Variants in SORBS2 observed in about 807,000 individuals in gnomAD.
SORBS2 encodes the protein sorbin and SH3 domain-containing protein 2.
Under a neutral mutation model 97.7 loss-of-function variants are expected in SORBS2, and 46 were observed. The observed-to-expected ratio is 0.47, with a 90% CI of 0.37 to 0.60. The LOEUF (loss-of-function observed/expected upper bound fraction) is 0.60. Ranked by LOEUF, SORBS2 falls within the 20% of genes least tolerant of loss-of-function variation. The probability of loss-of-function intolerance (pLI) is 0.00; values close to 1 mark genes in which losing one functional copy is unlikely to be tolerated. For synonymous variants in SORBS2, 476 were observed against 473.4 expected (o/e 1.01, Z -0.07); for missense variants, 1,316 against 1,282.3 (o/e 1.03, Z -0.40).
At chr4:185,904,516 T>G (rs2099249591) in intron 1 of SORBS2, among the ~76,000 whole-genome samples, 1 of 152,164 alleles carries the variant, frequency 6.6e-6, no homozygotes, top group African/African-American at 2.4e-5. Context: ...TTGGCCTGTA[T>G]GTAATATCTC....
intron 1 of SORBS2, among the ~76,000 whole-genome samples, chr4:185,929,865 CGT>C (rs1200317027): frequency 1.3e-5 from 2 of 152,018 alleles, no homozygotes; most frequent in Non-Finnish European, 2.9e-5. Context: ...TGATTTTGGG[CGT>C]GTGTGACACT....
intron 1 of SORBS2, among the ~76,000 whole-genome samples, chr4:185,841,744 G>A (rs1348583322): frequency 7.2e-5 from 11 of 152,160 alleles, no homozygotes; most frequent in Non-Finnish European, 1.0e-4. Flanking sequence ...TTTGTTTCCC[G>A]AAAGACTAGC....
rs1431293135 is a variant in SORBS2, at chr4:185,868,155, C to CTTTTTTTTTTTTTTTT, written c.-338+88040_-338+88041insAAAAAAAAAAAAAAAA. On this transcript the variant is annotated intron_variant, in intron 1 of 20. Transcript: ENST00000284776. ...CCTTTCTCTTTTCTTTTCTTTTTTT[C>CTTTTTTTTTTTTTTTT]TTTCTTTTTTTTTTTTTTTGAGGCA... 8.5e-4 allele frequency among the ~76,000 whole-genome samples: 86 copies of CTTTTTTTTTTTTTTTT among 100,718 alleles called. 6 individuals carry two copies. Among genetic ancestry groups the CTTTTTTTTTTTTTTTT allele is most frequent in the Admixed American group, 1.1e-3 (10 of 9,104 alleles). 66.1% of individuals were successfully genotyped at this position (100,718 alleles called of 152,430 possible). A position where few individuals can be genotyped will look rare whatever the true frequency, so the allele number is the denominator to read the frequency against.
At chr4:185,633,230 G>A (rs139067764) in intron 4 of SORBS2, among the ~76,000 whole-genome samples, 46 of 152,142 alleles carry the variant, frequency 3.0e-4, no homozygotes, top group Admixed American at 2.3e-3. Flanking sequence ...GTTGATAAAC[G>A]GTAGCTAAGG....
chr4:185,783,694 G>A (rs1409649796), intron 1 of SORBS2, among the ~76,000 whole-genome samples: 1 of 152,170 alleles, frequency 6.6e-6, no homozygotes, highest in Non-Finnish European at 1.5e-5. Flanking sequence ...AGGCATGAGA[G>A]GGAATATCCT....
At chr4:185,859,470 C>A (rs2099222451) in intron 1 of SORBS2, among the ~76,000 whole-genome samples, 1 of 152,166 alleles carries the variant, frequency 6.6e-6, no homozygotes, top group Non-Finnish European at 1.5e-5. Context: ...CAACTCCAGC[C>A]TTTGCCAGTC....
At chr4:185,891,536 AACCTAAG>A (rs2099242505) in intron 1 of SORBS2, among the ~76,000 whole-genome samples, 1 of 152,238 alleles carries the variant, frequency 6.6e-6, no homozygotes. Context: ...TGTGTACTAG[AACCTAAG>A]ACTGGCCTTT....
At chr4:185,774,651 A>G (rs1029898080) in intron 2 of SORBS2, 1 of 152,150 alleles carries the variant, frequency 6.6e-6, no homozygotes. Flanking sequence ...GGAATCCTCA[A>G]CACTGTCCCC....
chr4:185,938,905 AG>A lies in SORBS2; in HGVS notation c.-338+17290del, dbSNP rs59811055. On this transcript the variant is annotated intron_variant, in intron 1 of 20. Transcript: ENST00000284776. ...CATTATGTCCGCTTCAAAGCACGAA[AG>A]CAACAAAGAAAAAGGATGCAAATGT... Among the ~76,000 whole-genome samples the A allele has an allele frequency of 9.4e-3, 1,431 of 152,334 alleles. 17 individuals carry two copies. Among genetic ancestry groups the A allele is most frequent in the African/African-American group, 0.033 (1,377 of 41,572 alleles).
chr4:185,920,928 A>G (rs755259198), intron 1 of SORBS2, among the ~76,000 whole-genome samples: 1 of 152,218 alleles, frequency 6.6e-6, no homozygotes, highest in African/African-American at 2.4e-5. Flanking sequence ...TCAGTGATCC[A>G]TTCAATAAGA....
At chr4:185,814,385 CA>C (rs1265234855) in intron 1 of SORBS2, among the ~76,000 whole-genome samples, 9 of 151,088 alleles carry the variant, frequency 6.0e-5, no homozygotes, top group Non-Finnish European at 1.3e-4. Context: ...ATCAAACAAA[CA>C]AACAATTAGC....
In SORBS2 at chr4:185,606,565, A is replaced by G. The variant is rs2096424934; in HGVS notation, c.2796+5215T>C. On this transcript the variant is annotated intron_variant, in intron 12 of 14. Coordinates refer to ENST00000418609, the Ensembl canonical transcript of SORBS2. The surrounding 1 kb of genome is among the most constrained non-coding windows in gnomAD (Gnocchi z 4.3). ...GGTAAGGCCGGTTAGTTCTTCCATA[A>G]TCAGACAAAATTAAAATACCTCATT... 2.0e-6 allele frequency: 2 copies of G among 985,272 alleles called. No homozygotes were observed. Among genetic ancestry groups the G allele is most frequent in the Non-Finnish European group, 2.4e-6 (2 of 829,920 alleles). 61.0% of individuals were successfully genotyped at this position (985,272 alleles called of 1,614,324 possible). A position where few individuals can be genotyped will look rare whatever the true frequency, so the allele number is the denominator to read the frequency against.
intron 3 of SORBS2, among the ~76,000 whole-genome samples, chr4:185,647,727 AC>A (rs1179227854): frequency 2.0e-5 from 3 of 152,178 alleles, no homozygotes; most frequent in Non-Finnish European, 4.4e-5. Flanking sequence ...GACCCCTTAA[AC>A]TTTCTCAGTC....
intron 1 of SORBS2, among the ~76,000 whole-genome samples, chr4:185,906,684 C>T (rs139605489): frequency 3.3e-4 from 50 of 152,294 alleles, no homozygotes; most frequent in African/African-American, 1.2e-3. Context: ...TGATTCCATA[C>T]GTATCTCGGA....
intron 4 of SORBS2, among the ~76,000 whole-genome samples, chr4:185,671,956 A>T (rs1207834695): frequency 6.6e-6 from 1 of 152,212 alleles, no homozygotes; most frequent in Non-Finnish European, 1.5e-5. Flanking sequence ...GTATTCTCTA[A>T]TGTTCAATTA....
intron 1 of SORBS2, among the ~76,000 whole-genome samples, chr4:185,797,203 C>G (rs935705674): frequency 6.6e-6 from 1 of 152,180 alleles, no homozygotes; most frequent in Non-Finnish European, 1.5e-5. Flanking sequence ...GTTTCAGATG[C>G]GTTCCAGACA....
intron 1 of SORBS2, among the ~76,000 whole-genome samples, chr4:185,833,486 T>C (rs1398275371): frequency 1.3e-5 from 2 of 152,228 alleles, no homozygotes; most frequent in Non-Finnish European, 2.9e-5. Context: ...AAGCAATTAG[T>C]GCTACTACAC....
chr4:185,614,799 A>AGAAC (rs1561420331), intron 11 of SORBS2, 32 bp downstream of exon 23: 7 of 1,611,810 alleles, frequency 4.3e-6, no homozygotes, highest in African/African-American at 2.7e-5. Context: ...CAAACAAACA[A>AGAAC]AAACAAACAA....
chr4:185,809,455 CAA>C (rs55713465), intron 1 of SORBS2, among the ~76,000 whole-genome samples: 78 of 47,280 alleles, frequency 1.6e-3, no homozygotes, highest in African/African-American at 2.3e-3. Flanking sequence ...ACTGCATTTG[CAA>C]AAAAAAAAAA....
Sources: allele counts gnomAD v4.1 joint callset (sites outside exome capture counted in the v4.1 genomes callset), GRCh38; gene constraint gnomAD v4.1.1; non-coding constraint Gnocchi (gnomAD v3.1); transcripts MANE v1.5; gene names NCBI Gene and HGNC (gene_info 2026-07-23, HGNC 2026-07-21).